SPG11: variants seen among roughly 807,000 people sequenced by gnomAD.
The protein encoded by SPG11 is SPG11 vesicle trafficking associated, spatacsin.
SPG11 carries 222 observed loss-of-function variants against 274.0 expected under a neutral mutation model. The observed-to-expected ratio is 0.81, with a 90% CI of 0.73 to 0.91. The LOEUF (loss-of-function observed/expected upper bound fraction) is 0.91, where lower values mean the gene tolerates loss of function less well. SPG11 is among the 40% of genes least tolerant of loss of function. The pLI, the probability that SPG11 is intolerant of heterozygous loss-of-function variation, is 0.00. For missense variants in SPG11, 3,114 were observed against 2,872.7 expected, an observed-to-expected ratio of 1.08 and a Z score of -1.92; for synonymous variants, 1,144 against 1,039.7, an observed-to-expected ratio of 1.10 and a Z score of -1.93.
chr15:44,646,293 C>A (rs78368903), intron 7 of SPG11, among the ~76,000 whole-genome samples: 1 of 152,272 alleles, frequency 6.6e-6, no homozygotes, highest in East Asian at 1.9e-4. Flanking sequence ...TCTCACACTG[C>A]TACAAAGATA....
In SPG11 at chr15:44,595,456, C is replaced by T; in HGVS notation, c.4438G>A (p.Ala1480Thr). The part of the protein sequence containing the change: ...LSVLASCLQG[A>T]SAISCLCVWI... ...ACACAGAGACAAGAAATGGCACTGGCACCCTGCCACGGGATAAATAAAATA... is the reference window on the plus strand; with the variant it reads ...ACACAGAGACAAGAAATGGCACTGGTACCCTGCCACGGGATAAATAAAATA... Residue 1480 changes from alanine (A) to threonine (T), a missense_variant, in exon 26 of 40, where the codon GCC becomes ACC. Transcript: ENST00000261866. 1.2e-6 allele frequency: 2 copies of T among 1,614,078 alleles called. No homozygotes were observed. Among genetic ancestry groups the T allele is most frequent in the African/African-American group, 1.3e-5 (1 of 75,058 alleles).
chr15:44,663,401 G>C lies in SPG11; in HGVS notation c.247C>G (p.Pro83Ala). The C allele has an allele frequency of 6.2e-7, 1 of 1,607,648 alleles. No individual in the cohort carries two copies. Among genetic ancestry groups the C allele is most frequent in the Non-Finnish European group, 8.5e-7 (1 of 1,177,718 alleles). The change falls in exon 1 of 40, where the codon CCC becomes GCC. Residue 83 changes from proline to alanine, a missense_variant. Physicochemically the swap from Pro to Ala is conservative, Grantham distance 27. Transcript: ENST00000261866. ...RGGGRCCLEG[P>A]FWHFLWEDSR... Reference sequence around the variant, plus strand: ...TCCCTCAGCACTTACTGCCAGAAGGGGCCCTCCAGGCAGCAGCGACCCCCG... The same window carrying C: ...TCCCTCAGCACTTACTGCCAGAAGGCGCCCTCCAGGCAGCAGCGACCCCCG...
chr15:44,645,983 G>C (rs949491425), intron 7 of SPG11, among the ~76,000 whole-genome samples: 5 of 152,144 alleles, frequency 3.3e-5, no homozygotes, highest in Non-Finnish European at 5.9e-5. Flanking sequence ...AAAAATAACA[G>C]GTGCTAGCGA....
intron 8 of SPG11, among the ~76,000 whole-genome samples, chr15:44,631,252 C>T (rs938505063): frequency 5.9e-5 from 9 of 152,066 alleles, no homozygotes; most frequent in Non-Finnish European, 1.0e-4. Context: ...AGGAGTTTGG[C>T]TTGGTAAATT....
intron 31 of SPG11, 96 bp from the exon 32 acceptor site, chr15:44,573,841 A>G: frequency 8.7e-7 from 1 of 1,153,228 alleles, no homozygotes; most frequent in Non-Finnish European, 1.3e-6. Context: ...ACTCCACTGT[A>G]TTCTGAGCTT....
intron 6 of SPG11, among the ~76,000 whole-genome samples, chr15:44,649,447 G>C (rs1052238648): frequency 2.6e-5 from 4 of 151,904 alleles, no homozygotes; most frequent in Non-Finnish European, 4.4e-5. Flanking sequence ...TTCCCAGGCT[G>C]GTCTCACACT....
rs1271490544 is a variant in SPG11 at position 44,575,147 on chromosome 15, C to T, written c.5867-106G>A. 6.4e-6 allele frequency: 9 copies of T among 1,399,174 alleles called. No individual in the cohort carries two copies. The Admixed American group carries it at 1.3e-4, about 21-fold the overall frequency. 86.7% of individuals were successfully genotyped at this position (1,399,174 alleles called of 1,614,324 possible). ...GCTTGAAGCTCCCTGCACTGCACTC[C>T]CATTACTCTGACTGGGGATAGGACC... On this transcript the variant is annotated intron_variant, in intron 30 of 39. Coordinates refer to ENST00000261866, the MANE Select transcript of SPG11 (RefSeq NM_025137.4).
At chr15:44,663,256 C>T in intron 1 of SPG11, 135 bp downstream of exon 1, 4 of 1,209,632 alleles carry the variant, frequency 3.3e-6, no homozygotes, top group Admixed American at 2.3e-5. Context: ...GCCTCTGGGG[C>T]GTTTCCTGCA....
rs778232369 is a variant in SPG11, at chr15:44,574,891, T to C, written c.6006+11A>G. The C allele has an allele frequency of 1.9e-6, 3 of 1,613,474 alleles. No individual in the cohort carries two copies. The highest frequency in any genetic ancestry group is 2.7e-5 in the African/African-American group (2 of 74,896). On this transcript the variant is annotated intron_variant, in intron 31 of 39. Coordinates refer to ENST00000261866, the MANE Select transcript of SPG11 (RefSeq NM_025137.4). ...CTCTCAGAAAGAGGAGCCCCACCCC[T>C]TGGCACATACCTTGGCAAGATCATA...
chr15:44,616,486 C>G (rs1226995549), intron 15 of SPG11, among the ~76,000 whole-genome samples: 1 of 152,158 alleles, frequency 6.6e-6, no homozygotes, highest in East Asian at 1.9e-4. Flanking sequence ...GTGTGAGCCA[C>G]TGTGTCTGGC....
intron 30 of SPG11, among the ~76,000 whole-genome samples, chr15:44,575,492 ACTTT>A (rs1263422557): frequency 1.4e-5 from 2 of 140,870 alleles, no homozygotes; most frequent in Admixed American, 1.4e-4. Context: ...TCTCCAACAT[ACTTT>A]TTTTTTTTTT....
At position 44,585,753 on chromosome 15, in the gene SPG11, A is replaced by C; in HGVS notation, c.5004T>G (p.Asn1668Lys). The stretch of plus-strand genomic sequence containing the variant: ...AAATAGATCTACATTCATGCTGAAG[A>C]TTCTCAATGCTGTAGCTGGTAATAA... ...HTIITSYSIE[N>K]LQHECRSILE... The change falls in exon 29 of 40, where the codon AAT (asparagine) becomes AAG (lysine). Residue 1668 changes from asparagine (N) to lysine (K), a missense_variant. Transcript: ENST00000261866. The C allele has an allele frequency of 6.2e-7, 1 of 1,614,110 alleles. No homozygotes were observed. The highest frequency in any genetic ancestry group is 8.5e-7 in the Non-Finnish European group (1 of 1,180,000).
At position 44,574,931 on chromosome 15, in the gene SPG11, G is replaced by A. The variant is rs312262774; in HGVS notation, c.5977C>T (p.Gln1993Ter). 2 of 1,614,068 alleles carry A rather than the reference G, an allele frequency of 1.2e-6. No homozygotes were observed. The highest frequency in any genetic ancestry group is 1.7e-6 in the Non-Finnish European group (2 of 1,180,024). ...GCAAGATCATACAGACAGAGGACCT[G>A]TCGACAGTAGTTCTTCCCATGGAGG... ...KCLHGKNYCRQVLCLYDLAKE... is the reference protein window; with the variant it reads ...KCLHGKNYCR The change falls in exon 31 of 40, where the codon CAG becomes TAG. Residue 1993 changes from glutamine (Q) to a stop codon, truncating the protein, a stop_gained. Transcript: ENST00000261866. LOFTEE classifies it high-confidence loss of function.
chr15:44,573,656 G>C lies in SPG11; in HGVS notation c.6096C>G (p.Cys2032Trp), dbSNP rs1451177003. Residue 2032 changes from cysteine (C) to tryptophan (W), a missense_variant, in exon 32 of 40, where the codon TGC becomes TGG. Physicochemically the swap from Cys to Trp is radical, Grantham distance 215. Transcript: ENST00000261866. ...TGCTGATGAAGGCCTGGGCTCGTTT[G>C]CATCGGTCAGGCTGCTGAGAGGCCA... ...KILASQQPDR[C>W]KRAQAFISTQ... 3 of 1,614,212 alleles carry C rather than the reference G, an allele frequency of 1.9e-6. No individual in the cohort carries two copies. The South Asian group carries it at 3.3e-5, about 18-fold the overall frequency.
Position 44,608,575 on chromosome 15 carries a change from AAC to A in SPG11, c.3320_3321del (p.Cys1107PhefsTer31), listed in dbSNP as rs1366914385. Reference sequence around the variant, plus strand: ...AATAGCTGGGGATCCACTTTCTTCAAACAGTTTTCATTTTCTTCATTCTGAAC... The same window carrying A: ...AATAGCTGGGGATCCACTTTCTTCAAAGTTTTCATTTTCTTCATTCTGAAC... ...QVVQNEENEN[C>X]LKKVDPQLLK... is the part of the protein sequence containing the mutation. On this transcript the variant is annotated frameshift_variant, in exon 19 of 40. Coordinates refer to ENST00000261866, the MANE Select transcript of SPG11 (RefSeq NM_025137.4). LOFTEE classifies it high-confidence loss of function. 1.2e-6 allele frequency: 2 copies of A among 1,613,868 alleles called. No homozygotes were observed. The highest frequency in any genetic ancestry group is 2.7e-5 in the African/African-American group (2 of 74,898).
intron 31 of SPG11, 70 bp downstream of exon 31, chr15:44,574,832 T>C: frequency 1.3e-6 from 2 of 1,592,908 alleles, no homozygotes; most frequent in Non-Finnish European, 1.7e-6. Context: ...CTTGGCAATG[T>C]CCAAAATCAA....
At chr15:44,592,475 G>T (rs759472602) in intron 26 of SPG11, 37 bp from the exon 27 acceptor site, 2 of 1,249,410 alleles carry the variant, frequency 1.6e-6, no homozygotes, top group South Asian at 1.2e-5. Context: ...ACAAAATTTT[G>T]AACTTAATAT....
chr15:44,662,125 C>T (rs2085127516), intron 1 of SPG11, among the ~76,000 whole-genome samples: 1 of 152,138 alleles, frequency 6.6e-6, no homozygotes, highest in African/African-American at 2.4e-5. Flanking sequence ...AAACTAATTT[C>T]CCCTAAACTA....
In SPG11 at chr15:44,589,247, CT is replaced by C; in HGVS notation, c.4906+4del. Reference sequence around the variant, plus strand: ...ATAGCAACTTAACTGTAAGGATTGTCTTACCATCAGAGAAGAGATGCTCTCT... The same window carrying C: ...ATAGCAACTTAACTGTAAGGATTGTCTACCATCAGAGAAGAGATGCTCTCT... On this transcript the variant is annotated splice_donor_region_variant and intron_variant, in intron 28 of 39. Transcript: ENST00000261866. 6.2e-7 allele frequency: 1 copy of C among 1,613,548 alleles called. No homozygotes were observed. Among genetic ancestry groups the C allele is most frequent in the East Asian group, 2.2e-5 (1 of 44,882 alleles).
Sources: gnomAD v4.1 joint callset for allele counts (sites outside exome capture counted in the v4.1 genomes callset) on GRCh38, gnomAD v4.1.1 for gene constraint, MANE v1.5 for transcripts, NCBI Gene and HGNC (gene_info 2026-07-23, HGNC 2026-07-21) for gene names.